Variants in KPNA3 observed in about 807,000 individuals in gnomAD.
KPNA3 encodes karyopherin subunit alpha 3.
In KPNA3, 13 loss-of-function variants were observed where a neutral mutation model predicts 73.8. That is an observed-to-expected ratio of 0.18 (90% CI 0.11 to 0.28). KPNA3 has a LOEUF of 0.28. KPNA3 is among the 10% of genes least tolerant of loss of function. The pLI is 1.00. For missense variants in KPNA3, 360 were observed against 618.1 expected (o/e 0.58, Z 4.43); for synonymous variants, 186 against 206.9 (o/e 0.90, Z 0.87).
chr13:49,715,604 A>G (rs188208570), intron 10 of KPNA3, among the ~76,000 whole-genome samples: 2 of 152,216 alleles, frequency 1.3e-5, no homozygotes, highest in Non-Finnish European at 2.9e-5. Flanking sequence ...ATTTAAAACT[A>G]TCAAAACAGT....
intron 8 of KPNA3, 75 bp downstream of exon 8, chr13:49,722,402 A>G (rs1954368058): frequency 2.1e-6 from 2 of 934,756 alleles, no homozygotes; most frequent in Non-Finnish European, 3.4e-6. Context: ...GAGGAAACAT[A>G]GTATGTAATG....
At chr13:49,758,467 T>C (rs996873676) in intron 1 of KPNA3, among the ~76,000 whole-genome samples, 1 of 152,184 alleles carries the variant, frequency 6.6e-6, no homozygotes, top group Non-Finnish European at 1.5e-5. Context: ...CTGTTCTCGG[T>C]AACCCTATTA....
intron 10 of KPNA3, among the ~76,000 whole-genome samples, chr13:49,712,096 G>A (rs1954265240): frequency 6.6e-6 from 1 of 152,182 alleles, no homozygotes; most frequent in East Asian, 1.9e-4. Flanking sequence ...GGAGGTGTCT[G>A]CAGATGCTGG....
intron 1 of KPNA3, among the ~76,000 whole-genome samples, chr13:49,785,554 C>G (rs1180538671): frequency 6.6e-6 from 1 of 152,080 alleles, no homozygotes; most frequent in East Asian, 1.9e-4. Flanking sequence ...ATTTAAGTCC[C>G]CGCACATTGA....
chr13:49,748,511 G>A (rs1954636894), intron 1 of KPNA3, among the ~76,000 whole-genome samples: 1 of 151,918 alleles, frequency 6.6e-6, no homozygotes, highest in African/African-American at 2.4e-5. Flanking sequence ...CCAAGGTTCA[G>A]TGTGCTATAT....
chr13:49,741,269 C>T (rs1014564081), intron 2 of KPNA3, among the ~76,000 whole-genome samples: 3 of 152,108 alleles, frequency 2.0e-5, no homozygotes, highest in Admixed American at 6.5e-5. Flanking sequence ...ACAAGAGTTT[C>T]CTTTTCTCCA....
intron 2 of KPNA3, among the ~76,000 whole-genome samples, chr13:49,743,578 CAA>C (rs150375280): frequency 4.1e-4 from 39 of 94,072 alleles, no homozygotes; most frequent in Non-Finnish European, 3.9e-4. Context: ...TAATGTTAGC[CAA>C]AAAAAAAAAA....
At chr13:49,779,198 T>C (rs1167205796) in intron 1 of KPNA3, among the ~76,000 whole-genome samples, 1 of 152,188 alleles carries the variant, frequency 6.6e-6, no homozygotes, top group Non-Finnish European at 1.5e-5. Context: ...AAATCTTATA[T>C]AATTAACTGA....
rs1408663234 is a variant in KPNA3, at chr13:49,705,552, T to C, written c.1372+69A>G. On this transcript the variant is annotated intron_variant, in intron 15 of 16. Coordinates refer to ENST00000261667, the MANE Select transcript of KPNA3 (RefSeq NM_002267.4). Reference sequence around the variant, plus strand: ...CCTAGTAATTTTCTGTCTAGTAAGTTGACTTTAAAGAACTTATGTTTCAGA... The same window carrying C: ...CCTAGTAATTTTCTGTCTAGTAAGTCGACTTTAAAGAACTTATGTTTCAGA... 3 of 1,482,080 alleles carry C rather than the reference T, an allele frequency of 2.0e-6. No homozygotes were observed. In the Admixed American group the frequency reaches 5.8e-5, roughly 29 times the overall value. The allele number at this position is 1,482,080 out of a possible 1,614,324, so 91.8% of individuals were successfully genotyped here.
intron 1 of KPNA3, among the ~76,000 whole-genome samples, chr13:49,785,323 G>A (rs1157120286): frequency 6.6e-6 from 1 of 151,590 alleles, no homozygotes; most frequent in Non-Finnish European, 1.5e-5. Context: ...AAAATCCAGA[G>A]ACAGCACAGA....
chr13:49,700,543 T>C lies in KPNA3; in HGVS notation c.*1257A>G, dbSNP rs1297162262. 6.5e-6 allele frequency: 1 copy of C among 152,686 alleles called. No homozygotes were observed. The highest frequency in any genetic ancestry group is 1.9e-4 in the East Asian group (1 of 5,198). The allele number at this position is 152,686 out of a possible 1,614,324, so 9.5% of individuals were successfully genotyped here. The stretch of plus-strand genomic sequence containing the variant: ...TAGAGATCACTGCAAATCAGGTTTA[T>C]GTTAAATAACTGCAAATTACTCCTC... On this transcript the variant is annotated 3_prime_UTR_variant, in exon 17 of 17. Coordinates refer to ENST00000261667, the MANE Select transcript of KPNA3 (RefSeq NM_002267.4).
chr13:49,700,389 ATT>A lies in KPNA3; in HGVS notation c.*1409_*1410del, dbSNP rs1487488769. On this transcript the variant is annotated 3_prime_UTR_variant, in exon 17 of 17. Coordinates refer to ENST00000261667, the MANE Select transcript of KPNA3 (RefSeq NM_002267.4). ...CCCAGTAAACAAGAGCAACAATACC[ATT>A]TCTGTGACAGCACAAATTATTTAGT... The A allele has an allele frequency of 6.6e-6, 1 of 152,634 alleles. No individual in the cohort carries two copies. The highest frequency in any genetic ancestry group is 1.5e-5 in the Non-Finnish European group (1 of 68,026). 9.5% of individuals were successfully genotyped at this position (152,634 alleles called of 1,614,324 possible).
At chr13:49,769,370 A>G (rs924794848) in intron 1 of KPNA3, among the ~76,000 whole-genome samples, 3 of 152,208 alleles carry the variant, frequency 2.0e-5, no homozygotes, top group Admixed American at 2.0e-4. Context: ...TATAACCATC[A>G]CCACTACCTA....
At position 49,710,936 on chromosome 13, in the gene KPNA3, C is replaced by T. The variant is rs1269996701; in HGVS notation, c.858G>A (p.Val286=). 6.2e-6 allele frequency: 10 copies of T among 1,613,772 alleles called. No homozygotes were observed. Among genetic ancestry groups the T allele is most frequent in the African/African-American group, 2.7e-5 (2 of 74,928 alleles). The change falls in exon 11 of 17, where the codon GTG becomes GTA. Residue 286 remains valine, a synonymous_variant. Transcript: ENST00000261667. ...GGCTCAGAAGGGGCACAAGAAAGGG[C>T]ACAACTCCTGAATCAATAACCATCT... ...QIQMVIDSGV[V]PFLVPLLSHQ... is the part of the protein sequence containing the mutation.
At chr13:49,759,089 T>C (rs7329334) in intron 1 of KPNA3, among the ~76,000 whole-genome samples, 4,316 of 152,196 alleles carry the variant, frequency 0.028, 210 homozygotes, top group African/African-American at 0.098. Context: ...ACAATTATTA[T>C]CAATTATCAA....
rs573044237 is a variant in KPNA3, at chr13:49,782,035, A to C, written c.69+10403T>G. 3.9e-5 allele frequency among the ~76,000 whole-genome samples: 6 copies of C among 152,360 alleles called. No homozygotes were observed. The South Asian group carries it at 1.0e-3, about 26-fold the overall frequency. On this transcript the variant is annotated intron_variant, in intron 1 of 16. Coordinates refer to ENST00000261667, the MANE Select transcript of KPNA3 (RefSeq NM_002267.4). ...TGTCAAGATGAATCAATTAGGTCTC[A>C]GTATCAGCTCACTCAAGATTTAAAT...
rs10450846 is a variant in KPNA3 at position 49,732,989 on chromosome 13, C to T, written c.172G>A (p.Glu58Lys). 1 of 1,610,984 alleles carries T rather than the reference C, an allele frequency of 6.2e-7. No homozygotes were observed. The highest frequency in any genetic ancestry group is 2.2e-5 in the East Asian group (1 of 44,756). The stretch of plus-strand genomic sequence containing the variant: ...AAATCAGCATCAACATCTGAATCTT[C>T]TAGACTTTCTTCTTGGGGAACATTT... ...KRNVPQEESLEDSDVDADFKA... is the reference protein window; with the variant it reads ...KRNVPQEESLKDSDVDADFKA... Residue 58 changes from glutamate (E) to lysine (K), a missense_variant, in exon 3 of 17, where the codon GAA becomes AAA. Physicochemically the swap from Glu to Lys is moderately conservative, Grantham distance 56. This residue lies in a region of KPNA3 where 287 missense variants were observed against 549.1 expected (regional missense o/e 0.52). Transcript: ENST00000261667.
intron 1 of KPNA3, among the ~76,000 whole-genome samples, chr13:49,754,874 T>C (rs1954697401): frequency 6.6e-6 from 1 of 152,122 alleles, no homozygotes; most frequent in East Asian, 1.9e-4. Context: ...ATTAAGATGA[T>C]TATATTTGTA....
chr13:49,727,721 T>C (rs1439163446), intron 6 of KPNA3, among the ~76,000 whole-genome samples: 3 of 152,086 alleles, frequency 2.0e-5, no homozygotes, highest in Non-Finnish European at 4.4e-5. Context: ...CTGAACATGA[T>C]CTAGTTTGAG....
Sources: allele counts gnomAD v4.1 joint callset (sites outside exome capture counted in the v4.1 genomes callset), GRCh38; gene constraint gnomAD v4.1.1; regional missense constraint gnomAD v4.1.1; transcripts MANE v1.5; gene names NCBI Gene and HGNC (gene_info 2026-07-23, HGNC 2026-07-21).